TIGIT: variants seen among roughly 807,000 people sequenced by gnomAD.
TIGIT encodes the protein T cell immunoreceptor with Ig and ITIM domains.
TIGIT carries 11 observed loss-of-function variants against 19.6 expected under a neutral mutation model. That is an observed-to-expected ratio of 0.56 (90% CI 0.35 to 0.93). The LOEUF (loss-of-function observed/expected upper bound fraction) is 0.93, where lower values mean the gene tolerates loss of function less well. Ranked by LOEUF, TIGIT falls within the 40% of genes least tolerant of loss-of-function variation. The pLI, the probability that TIGIT is intolerant of heterozygous loss-of-function variation, is 0.01. For missense variants in TIGIT, 295 were observed against 303.9 expected, an observed-to-expected ratio of 0.97 and a Z score of 0.22; for synonymous variants, 130 against 125.5, an observed-to-expected ratio of 1.04 and a Z score of -0.24.
In TIGIT at chr3:114,307,963, G is replaced by A. The variant is rs868291940; in HGVS notation, c.567G>A (p.Trp189Ter). 2.1e-5 allele frequency: 34 copies of A among 1,614,194 alleles called. No individual in the cohort carries two copies. The Middle Eastern group carries it at 4.9e-3, about 235-fold the overall frequency. Reference protein sequence around the residue: ...LRRKSAGQEEWSPSAPSPPGS... With the variant: ...LRRKSAGQEE ...GAAAATCAGCTGGACAGGAGGAATG[G>A]AGCCCCAGTGCTCCCTCACCCCCAG... The change falls in exon 4 of 4, where the codon TGG becomes TGA. Residue 189 changes from tryptophan to a stop codon, truncating the protein, a stop_gained. Coordinates refer to ENST00000383671, the MANE Select transcript of TIGIT (RefSeq NM_173799.4). LOFTEE classifies it low-confidence loss of function (END_TRUNC).
intron 3 of TIGIT, among the ~76,000 whole-genome samples, chr3:114,301,056 T>C (rs955437204): frequency 6.6e-6 from 1 of 152,202 alleles, no homozygotes; most frequent in Admixed American, 6.5e-5. Flanking sequence ...CAAAGAATTA[T>C]ATCAGTGAAA....
chr3:114,294,497 A>G (rs894048416), intron 1 of TIGIT, among the ~76,000 whole-genome samples: 4 of 152,198 alleles, frequency 2.6e-5, no homozygotes, highest in Admixed American at 1.3e-4. Flanking sequence ...GGAAAACATT[A>G]TAAGTTCTCT....
chr3:114,297,749 G>A (rs2078464829), intron 2 of TIGIT, among the ~76,000 whole-genome samples: 1 of 152,176 alleles, frequency 6.6e-6, no homozygotes, highest in Non-Finnish European at 1.5e-5. Context: ...TGAACCTGGG[G>A]AAATGAAGGT....
At chr3:114,303,510 TATATATACAC>T (rs2078506273) in intron 3 of TIGIT, among the ~76,000 whole-genome samples, 2 of 7,090 alleles carry the variant, frequency 2.8e-4, no homozygotes, top group Non-Finnish European at 8.0e-4. Flanking sequence ...TATATGTATA[TATATATACAC>T]ATATATATGT....
chr3:114,302,328 A>G (rs1361615592), intron 3 of TIGIT, among the ~76,000 whole-genome samples: 1 of 152,228 alleles, frequency 6.6e-6, no homozygotes, highest in Non-Finnish European at 1.5e-5. Flanking sequence ...CCAAGAGGCA[A>G]ATGGCTGGTA....
chr3:114,308,158 C>T lies in TIGIT; in HGVS notation c.*27C>T. The T allele has an allele frequency of 2.5e-6, 4 of 1,592,336 alleles. No individual in the cohort carries two copies. The highest frequency in any genetic ancestry group is 3.3e-5 in the Admixed American group (2 of 59,732). ...AACCAGAGGCATCTTCTGGAAGATA[C>T]ACTTTTGTCTTTGCTATTATAGATG... On this transcript the variant is annotated 3_prime_UTR_variant, in exon 4 of 4. Transcript: ENST00000383671.
At chr3:114,298,595 A>G (rs1287232874) in intron 2 of TIGIT, among the ~76,000 whole-genome samples, 2 of 152,206 alleles carry the variant, frequency 1.3e-5, no homozygotes, top group African/African-American at 2.4e-5. Context: ...TCTTTACTCC[A>G]GAGCTAACTG....
intron 2 of TIGIT, 120 bp downstream of exon 2, chr3:114,295,994 A>G (rs1576135819): frequency 2.5e-6 from 2 of 794,018 alleles, no homozygotes; most frequent in East Asian, 5.3e-5. Flanking sequence ...ACCTGAGGAG[A>G]TTTTAAATCA....
chr3:114,302,697 A>T (rs560648927), intron 3 of TIGIT, among the ~76,000 whole-genome samples: 3 of 152,330 alleles, frequency 2.0e-5, no homozygotes, highest in East Asian at 3.9e-4. Flanking sequence ...TAGAGGAGAG[A>T]TGCCACCAAA....
intron 3 of TIGIT, among the ~76,000 whole-genome samples, chr3:114,300,839 T>C (rs1158684203): frequency 6.6e-6 from 1 of 152,154 alleles, no homozygotes; most frequent in Non-Finnish European, 1.5e-5. Flanking sequence ...ATAATGGCAT[T>C]AATCCCTTCA....
rs762180739 is a variant in TIGIT, at chr3:114,295,774, G to A, written c.291G>A (p.Ser97=). 1.4e-5 allele frequency: 22 copies of A among 1,614,140 alleles called. No individual in the cohort carries two copies. Among genetic ancestry groups the A allele is most frequent in the Non-Finnish European group, 1.8e-5 (21 of 1,180,022 alleles). ...CCGGCCTGGGCCTCACCCTCCAGTC[G>A]CTGACCGTGAACGATACAGGGGAGT... ...PGPGLGLTLQ[S]LTVNDTGEYF... is the part of the protein sequence containing the mutation. The change falls in exon 2 of 4, where the codon TCG becomes TCA. Residue 97 remains serine (S), a synonymous_variant. Coordinates refer to ENST00000383671, the MANE Select transcript of TIGIT (RefSeq NM_173799.4).
chr3:114,303,020 A>C (rs781630330), intron 3 of TIGIT, among the ~76,000 whole-genome samples: 4 of 152,232 alleles, frequency 2.6e-5, no homozygotes, highest in African/African-American at 4.8e-5. Context: ...CAAATGAATG[A>C]CTATGACTCT....
intron 2 of TIGIT, among the ~76,000 whole-genome samples, chr3:114,297,257 C>G (rs1351695996): frequency 6.6e-6 from 1 of 152,038 alleles, no homozygotes; most frequent in Non-Finnish European, 1.5e-5. Context: ...TGCAGTTGAC[C>G]CCACGAAGTC....
At chr3:114,294,208 T>G (rs1417363578) in intron 1 of TIGIT, 86 bp downstream of exon 1, 4 of 1,031,852 alleles carry the variant, frequency 3.9e-6, no homozygotes, top group Non-Finnish European at 5.6e-6. Context: ...TAGGGAAGAC[T>G]CCAAGAGCAT....
rs961292387 is a variant in TIGIT at position 114,309,440 on chromosome 3, A to T, written c.*1309A>T. ...TTCATGGGCCAAGGAACTGAAAGAG[A>T]ATGTGAAGCAAGGTTGTGTCTTGCG... On this transcript the variant is annotated 3_prime_UTR_variant, in exon 4 of 4. Coordinates refer to ENST00000383671, the MANE Select transcript of TIGIT (RefSeq NM_173799.4). 1 of 152,216 alleles carries T rather than the reference A, an allele frequency of 6.6e-6. No individual in the cohort carries two copies. Among genetic ancestry groups the T allele is most frequent in the Non-Finnish European group, 1.5e-5 (1 of 68,034 alleles). The allele number at this position is 152,216 out of a possible 1,614,324, so 9.4% of individuals were successfully genotyped here.
intron 3 of TIGIT, among the ~76,000 whole-genome samples, chr3:114,305,780 A>AGATGGATGGATGGATG: frequency 7.0e-6 from 1 of 143,766 alleles, no homozygotes; most frequent in South Asian, 2.4e-4. Flanking sequence ...TAGGAGATAT[A>AGATGGATGGATGGATG]GATGGATGGA....
intron 2 of TIGIT, among the ~76,000 whole-genome samples, chr3:114,298,893 T>C (rs914076238): frequency 6.6e-6 from 1 of 152,216 alleles, no homozygotes; most frequent in African/African-American, 2.4e-5. Flanking sequence ...TGGTGTTCTT[T>C]TTCTCACATT....
intron 3 of TIGIT, 137 bp from the exon 4 acceptor site, chr3:114,307,758 C>A (rs947804283): frequency 2.6e-6 from 2 of 778,622 alleles, no homozygotes; most frequent in Non-Finnish European, 4.2e-6. Flanking sequence ...AAATTAAGGG[C>A]TAAGGAATTG....
chr3:114,299,793 C>A, intron 3 of TIGIT, 90 bp downstream of exon 3: 2 of 794,516 alleles, frequency 2.5e-6, no homozygotes, highest in South Asian at 1.5e-5. Flanking sequence ...CAGAGAGAGA[C>A]CCAGATGTGA....
Sources: allele counts gnomAD v4.1 joint callset (sites outside exome capture counted in the v4.1 genomes callset), GRCh38; gene constraint gnomAD v4.1.1; transcripts MANE v1.5; gene names NCBI Gene and HGNC (gene_info 2026-07-23, HGNC 2026-07-21).